ZBTB10: variants seen among roughly 807,000 people sequenced by gnomAD.
ZBTB10 encodes zinc finger and BTB domain containing 10.
ZBTB10 carries 32 observed loss-of-function variants against 76.4 expected under a neutral mutation model. The ratio of observed to expected loss-of-function variants is 0.42; its 90% CI spans 0.32 to 0.56. ZBTB10 has a LOEUF of 0.56. Among genes scored for constraint, ZBTB10 ranks in the 20% least tolerant of loss-of-function variants. The pLI is 0.14. For missense variants in ZBTB10, 1,057 were observed against 1,098.5 expected, an observed-to-expected ratio of 0.96 and a Z score of 0.53; for synonymous variants, 523 against 432.9, an observed-to-expected ratio of 1.21 and a Z score of -2.58.
chr8:80,506,935 G>T (rs1027107005), intron 2 of ZBTB10, among the ~76,000 whole-genome samples: 1 of 149,202 alleles, frequency 6.7e-6, no homozygotes, highest in Non-Finnish European at 1.5e-5. Context: ...AACTTGGGGG[G>T]GTTCTAATAA....
chr8:80,490,585 A>G (rs2131471929), intron 1 of ZBTB10, among the ~76,000 whole-genome samples: 1 of 152,250 alleles, frequency 6.6e-6, no homozygotes, highest in East Asian at 1.9e-4. Flanking sequence ...TTATACCTTC[A>G]GAGACTTTGT....
In ZBTB10 at chr8:80,486,656, C is replaced by T. The variant is rs1432432929; in HGVS notation, c.-155C>T. 48 of 981,558 alleles carry T rather than the reference C, an allele frequency of 4.9e-5. No homozygotes were observed. The Admixed American group carries it at 2.7e-3, about 55-fold the overall frequency. 60.8% of individuals were successfully genotyped at this position (981,558 alleles called of 1,614,324 possible). ...AGCAGACCCGGGAGCGAGCGCGAGC[C>T]GGGCTGCCGGGCGAGAGGGCGAGGC... On this transcript the variant is annotated 5_prime_UTR_variant, in exon 1 of 6. Coordinates refer to ENST00000455036, the MANE Select transcript of ZBTB10 (RefSeq NM_001105539.3).
chr8:80,512,865 T>A (rs1165392560), intron 2 of ZBTB10, among the ~76,000 whole-genome samples: 1 of 152,068 alleles, frequency 6.6e-6, no homozygotes, highest in Non-Finnish European at 1.5e-5. Flanking sequence ...CCACTCTTAT[T>A]TTTTCTGCTT....
rs548402094 is a variant in ZBTB10, at chr8:80,496,515, G to GA, written c.973-2970dup. 1.0e-4 allele frequency among the ~76,000 whole-genome samples: 15 copies of GA among 150,340 alleles called. No homozygotes were observed. In the East Asian group the frequency reaches 1.7e-3, roughly 18 times the overall value. ...TCTTGTTCTTGTACCATAGTAATGAGAAAAAAAAATAGTGGTTGAATGGTG... is the reference window on the plus strand; with the variant it reads ...TCTTGTTCTTGTACCATAGTAATGAGAAAAAAAAAATAGTGGTTGAATGGTG... On this transcript the variant is annotated intron_variant, in intron 1 of 5. Coordinates refer to ENST00000455036, the MANE Select transcript of ZBTB10 (RefSeq NM_001105539.3).
At chr8:80,515,957 A>T (rs1163038123) in intron 3 of ZBTB10, among the ~76,000 whole-genome samples, 2 of 152,230 alleles carry the variant, frequency 1.3e-5, no homozygotes. Flanking sequence ...ATTAGGAGAG[A>T]TGAAAGAAAT....
chr8:80,487,247 C>T lies in ZBTB10; in HGVS notation c.437C>T (p.Ser146Leu). ...AGTAGCCGCGGCCGCCCCGAGACCT[C>T]GGTGTGGCCCTTGAGGCATTTCAAT... Reference protein sequence around the residue: ...NGSSRGRPETSVWPLRHFNGR... With the variant: ...NGSSRGRPETLVWPLRHFNGR... Residue 146 changes from serine to leucine, a missense_variant, in exon 1 of 6, where the codon TCG becomes TTG. By Grantham distance (145) the Ser-to-Leu change is moderately radical (BLOSUM62 -2). Around this residue, in one of 5 missense-constraint regions of ZBTB10, gnomAD observed 556 missense variants for 451.7 expected, o/e 1.23. Transcript: ENST00000455036. 1 of 1,550,070 alleles carries T rather than the reference C, an allele frequency of 6.5e-7. No homozygotes were observed. The highest frequency in any genetic ancestry group is 8.7e-7 in the Non-Finnish European group (1 of 1,149,486).
rs1230408735 is a variant in ZBTB10 at position 80,487,672 on chromosome 8, C to A, written c.862C>A (p.Pro288Thr). ...TPADGGSVDL[P>T]PVGHDELSRG... ...TGCAGATGGGGGAAGCGTGGACCTT[C>A]CCCCAGTGGGGCATGATGAGCTTTC... is the stretch of plus-strand genomic sequence containing the variant. Residue 288 changes from proline (P) to threonine (T), a missense_variant, in exon 1 of 6, where the codon CCC (proline) becomes ACC (threonine). Around this residue, in one of 5 missense-constraint regions of ZBTB10, gnomAD observed 556 missense variants for 451.7 expected, o/e 1.23. Coordinates refer to ENST00000455036, the MANE Select transcript of ZBTB10 (RefSeq NM_001105539.3). 7 of 1,613,952 alleles carry A rather than the reference C, an allele frequency of 4.3e-6. No homozygotes were observed. The highest frequency in any genetic ancestry group is 5.9e-6 in the Non-Finnish European group (7 of 1,179,876).
chr8:80,498,085 A>G (rs1489479907), intron 1 of ZBTB10, among the ~76,000 whole-genome samples: 1 of 152,188 alleles, frequency 6.6e-6, no homozygotes. Context: ...GCCTCCTGTG[A>G]CATGCACCCA....
rs1481709849 is a variant in ZBTB10 at position 80,514,006 on chromosome 8, C to G, written c.1958C>G (p.Ala653Gly). The G allele has an allele frequency of 3.1e-6, 5 of 1,612,564 alleles. No homozygotes were observed. The African/African-American group carries it at 6.7e-5, about 22-fold the overall frequency. Residue 653 changes from alanine (A) to glycine (G), a missense_variant and splice_region_variant, in exon 3 of 6, where the codon GCT becomes GGT. By Grantham distance (60) the Ala-to-Gly change is moderately conservative. Coordinates refer to ENST00000455036, the MANE Select transcript of ZBTB10 (RefSeq NM_001105539.3). The stretch of plus-strand genomic sequence containing the variant: ...GGCACTAGTCAAGATGGAGGTGATG[C>G]TGGTAGGTACAGTAAGATTTTAGCA... ...EAGTSQDGGD[A>G]GTSHDFKYGL...
At chr8:80,493,687 G>A (rs12545151) in intron 1 of ZBTB10, among the ~76,000 whole-genome samples, 39,902 of 149,846 alleles carry the variant, frequency 0.27, 6,063 homozygotes, top group African/African-American at 0.42. Context: ...AAACCGAGCC[G>A]GGCGTGGTGG....
intron 2 of ZBTB10, among the ~76,000 whole-genome samples, chr8:80,512,744 G>A (rs986360315): frequency 1.3e-5 from 2 of 152,098 alleles, no homozygotes; most frequent in East Asian, 1.9e-4. Context: ...TCTTAAAAAA[G>A]AAAAAAATCA....
intron 2 of ZBTB10, among the ~76,000 whole-genome samples, chr8:80,510,639 AGTGTGTGTGTGT>A (rs58749656): frequency 2.1e-4 from 27 of 125,784 alleles, no homozygotes; most frequent in East Asian, 8.3e-4. Flanking sequence ...TTGTGAAACC[AGTGTGTGTGTGT>A]GTGTGTGTGT....
intron 1 of ZBTB10, among the ~76,000 whole-genome samples, chr8:80,494,921 T>G (rs1815741229): frequency 1.2e-5 from 1 of 81,870 alleles, no homozygotes; most frequent in African/African-American, 9.3e-5. Flanking sequence ...TGACACTGTC[T>G]CAAAAAAAAA....
chr8:80,509,173 A>T (rs1816130340), intron 2 of ZBTB10, among the ~76,000 whole-genome samples: 1 of 152,178 alleles, frequency 6.6e-6, no homozygotes, highest in African/African-American at 2.4e-5. Flanking sequence ...GAAAGGAGAA[A>T]ACTGAAGAGA....
Position 80,500,399 on chromosome 8 carries a change from C to G in ZBTB10, c.1861+17C>G, listed in dbSNP as rs747408469. On this transcript the variant is annotated intron_variant, in intron 2 of 5. Coordinates refer to ENST00000455036, the MANE Select transcript of ZBTB10 (RefSeq NM_001105539.3). Reference sequence around the variant, plus strand: ...AAGAACCAGGTAAATATTATCTATACAAGGATACTTCCTTGTTCATCCTAA... The same window carrying G: ...AAGAACCAGGTAAATATTATCTATAGAAGGATACTTCCTTGTTCATCCTAA... 16 of 1,508,090 alleles carry G rather than the reference C, an allele frequency of 1.1e-5. No homozygotes were observed. The South Asian group carries it at 1.2e-4, about 12-fold the overall frequency. The allele number at this position is 1,508,090 out of a possible 1,614,324, so 93.4% of individuals were successfully genotyped here. A position where few individuals can be genotyped will look rare whatever the true frequency, so the allele number is the denominator to read the frequency against.
At chr8:80,513,196 C>CA (rs1363569030) in intron 2 of ZBTB10, among the ~76,000 whole-genome samples, 3 of 152,080 alleles carry the variant, frequency 2.0e-5, no homozygotes, top group South Asian at 2.1e-4. Flanking sequence ...GGCTGGAGTG[C>CA]AGTGGTGTGA....
At position 80,487,676 on chromosome 8, in the gene ZBTB10, C is replaced by T; in HGVS notation, c.866C>T (p.Pro289Leu). 3 of 1,613,970 alleles carry T rather than the reference C, an allele frequency of 1.9e-6. No homozygotes were observed. Among genetic ancestry groups the T allele is most frequent in the Non-Finnish European group, 2.5e-6 (3 of 1,179,884 alleles). ...PADGGSVDLP[P>L]VGHDELSRGT... ...GATGGGGGAAGCGTGGACCTTCCCC[C>T]AGTGGGGCATGATGAGCTTTCGCGA... is the stretch of plus-strand genomic sequence containing the variant. The change falls in exon 1 of 6, where the codon CCA becomes CTA. Residue 289 changes from proline to leucine, a missense_variant. Around this residue, in one of 5 missense-constraint regions of ZBTB10, gnomAD observed 556 missense variants for 451.7 expected, o/e 1.23. Coordinates refer to ENST00000455036, the MANE Select transcript of ZBTB10 (RefSeq NM_001105539.3).
chr8:80,505,767 G>C (rs1319188210), intron 2 of ZBTB10, among the ~76,000 whole-genome samples: 1 of 152,022 alleles, frequency 6.6e-6, no homozygotes, highest in African/African-American at 2.4e-5. Flanking sequence ...GTCTTGCTCT[G>C]TCACCCAGGC....
chr8:80,485,725 T>C (rs1024311341), upstream of ZBTB10: 151 of 1,482,864 alleles, frequency 1.0e-4, 1 homozygote, highest in Admixed American at 1.6e-4. Flanking sequence ...CCTGGTCCAG[T>C]CTTTGTGAAG....
Sources: gnomAD v4.1 joint callset for allele counts (sites outside exome capture counted in the v4.1 genomes callset) on GRCh38, gnomAD v4.1.1 for gene constraint, gnomAD v4.1.1 regional missense constraint, MANE v1.5 for transcripts, NCBI Gene and HGNC (gene_info 2026-07-23, HGNC 2026-07-21) for gene names.